Variants in ARHGAP39 observed in about 807,000 individuals in gnomAD.
ARHGAP39 encodes Rho GTPase activating protein 39, also known as rho GTPase-activating protein 39.
In ARHGAP39, 44 loss-of-function variants were observed where a neutral mutation model predicts 106.9. The ratio of observed to expected loss-of-function variants is 0.41; its 90% CI spans 0.32 to 0.53. The LOEUF is 0.53. Among genes scored for constraint, ARHGAP39 ranks in the 20% least tolerant of loss-of-function variants. The pLI is 0.21. For synonymous variants in ARHGAP39, 768 were observed against 693.2 expected (o/e 1.11, Z -1.69); for missense variants, 1,496 against 1,577.3 (o/e 0.95, Z 0.87).
At chr8:144,620,866 G>A (rs1320638759) in intron 1 of ARHGAP39, among the ~76,000 whole-genome samples, 1 of 152,278 alleles carries the variant, frequency 6.6e-6, no homozygotes, top group Admixed American at 6.5e-5. Flanking sequence ...AATCCCTGGG[G>A]CCAAGCTCCT....
intron 1 of ARHGAP39, among the ~76,000 whole-genome samples, chr8:144,659,912 T>C (rs1451504923): frequency 6.6e-6 from 1 of 152,170 alleles, no homozygotes; most frequent in Non-Finnish European, 1.5e-5. Context: ...AATCCCTCTG[T>C]AGCTAAGTCC....
At chr8:144,628,938 G>T (rs910988166) in intron 1 of ARHGAP39, among the ~76,000 whole-genome samples, 1 of 151,850 alleles carries the variant, frequency 6.6e-6, no homozygotes, top group Non-Finnish European at 1.5e-5. Flanking sequence ...CATCACTTTT[G>T]CGCCCGGGAG....
At chr8:144,530,898 G>C in intron 10 of ARHGAP39, 27 bp from the exon 11 acceptor site, 1 of 1,588,110 alleles carries the variant, frequency 6.3e-7, no homozygotes, top group Non-Finnish European at 8.6e-7. Context: ...GGGCTCAGCG[G>C]CCCTGCTCGG....
chr8:144,660,961 G>A (rs1030534295), intron 1 of ARHGAP39, among the ~76,000 whole-genome samples: 4 of 152,044 alleles, frequency 2.6e-5, no homozygotes, highest in African/African-American at 4.8e-5. Context: ...CTCCAGCCTG[G>A]GTGACAGAAT....
At chr8:144,575,748 T>C (rs1345078578) in intron 3 of ARHGAP39, among the ~76,000 whole-genome samples, 1 of 152,186 alleles carries the variant, frequency 6.6e-6, no homozygotes, top group African/African-American at 2.4e-5. Context: ...CATAGTCACG[T>C]ATCATCATCA....
rs1401383829 is a variant in ARHGAP39 at position 144,647,772 on chromosome 8, C to A, written c.-82+37914G>T. 1.3e-5 allele frequency among the ~76,000 whole-genome samples: 2 copies of A among 152,192 alleles called. No individual in the cohort carries two copies. The highest frequency in any genetic ancestry group is 1.5e-5 in the Non-Finnish European group (1 of 68,030). On this transcript the variant is annotated intron_variant, in intron 1 of 11. Coordinates refer to ENST00000377307, the MANE Select transcript of ARHGAP39 (RefSeq NM_025251.3). The surrounding 1 kb of genome is among the most constrained non-coding windows in gnomAD (Gnocchi z 4.8). ...GGAGGGCAGCTGGAAGCCATGCATG[C>A]GTCCACGGGGACCCCAAGAGAGGGA...
At position 144,586,876 on chromosome 8, in the gene ARHGAP39, T is replaced by A. The variant is rs1819201428; in HGVS notation, c.81-5599A>T. On this transcript the variant is annotated intron_variant, in intron 2 of 11. Transcript: ENST00000377307. This position sits in a 1 kb window ranked among gnomAD's most constrained non-coding sequence, Gnocchi z 4.2. ...TCTCATACACCAGGATGGGCAATGA[T>A]ATGGTTTGGCTGTGTCCCCACCCAA... is the stretch of plus-strand genomic sequence containing the variant. Among the ~76,000 whole-genome samples the A allele has an allele frequency of 6.6e-6, 1 of 152,162 alleles. No homozygotes were observed. The highest frequency in any genetic ancestry group is 6.5e-5 in the Admixed American group (1 of 15,280).
Position 144,547,175 on chromosome 8 carries a change from G to C in ARHGAP39, c.1911C>G (p.Ser637=), listed in dbSNP as rs776391796. Residue 637 remains serine (S), a synonymous_variant, in exon 5 of 12, where the codon TCC becomes TCG. Transcript: ENST00000377307. The surrounding 1 kb of genome is among the most constrained non-coding windows in gnomAD (Gnocchi z 5.2). ...FPQILLEKSV[S]VQTNLASPEP... is the part of the protein sequence containing the mutation. ...CTGGTGAGGCCAGGTTGGTCTGCAC[G>C]GAGACGCTCTTCTCCAGCAGGATCT... The C allele has an allele frequency of 1.2e-6, 2 of 1,611,450 alleles. No individual in the cohort carries two copies. The highest frequency in any genetic ancestry group is 1.3e-5 in the African/African-American group (1 of 74,870).
rs367816322 is a variant in ARHGAP39, at chr8:144,623,813, C to G, written c.-81-18118G>C. ...GGCAGGCCTCTGTCAAATGCACCGC[C>G]CAGAATCAGGAATGAGAGAGGCCAC... is the stretch of plus-strand genomic sequence containing the variant. On this transcript the variant is annotated intron_variant, in intron 1 of 11. Transcript: ENST00000377307. 5.3e-5 allele frequency among the ~76,000 whole-genome samples: 8 copies of G among 152,264 alleles called. No individual in the cohort carries two copies. The East Asian group carries it at 1.5e-3, about 29-fold the overall frequency.
At chr8:144,569,417 C>T (rs902445504) in intron 3 of ARHGAP39, among the ~76,000 whole-genome samples, 12 of 152,130 alleles carry the variant, frequency 7.9e-5, no homozygotes, top group Non-Finnish European at 1.2e-4. Context: ...CAACAGAAGG[C>T]GGTACATCCA....
At chr8:144,587,585 G>A (rs930869498) in intron 2 of ARHGAP39, among the ~76,000 whole-genome samples, 6 of 152,166 alleles carry the variant, frequency 3.9e-5, no homozygotes, top group Non-Finnish European at 7.4e-5. Flanking sequence ...GGCCTGGGGA[G>A]GGAGCACACG....
Position 144,530,466 on chromosome 8 carries a change from G to T in ARHGAP39, c.3301C>A (p.Leu1101Ile). 1 of 1,610,840 alleles carries T rather than the reference G, an allele frequency of 6.2e-7. No individual in the cohort carries two copies. Among genetic ancestry groups the T allele is most frequent in the South Asian group, 1.1e-5 (1 of 90,748 alleles). ...TRKEMSFLRVLIQHLDTSFME... is the reference protein window; with the variant it reads ...TRKEMSFLRVIIQHLDTSFME... ...AAGCTGGTGTCCAGGTGCTGGATGA[G>T]CACCCGCAGGAAGGACATCTCCTTG... The change falls in exon 12 of 12, where the codon CTC (leucine) becomes ATC (isoleucine). Residue 1101 changes from leucine (L) to isoleucine (I), a missense_variant. Physicochemically the swap from Leu to Ile is conservative, Grantham distance 5. This residue lies in a region of ARHGAP39 where 470 missense variants were observed against 605.1 expected (regional missense o/e 0.78). Transcript: ENST00000377307.
At chr8:144,619,320 G>A (rs1196819382) in intron 1 of ARHGAP39, among the ~76,000 whole-genome samples, 1 of 152,270 alleles carries the variant, frequency 6.6e-6, no homozygotes, top group Admixed American at 6.5e-5. Flanking sequence ...GAGAAGCGCG[G>A]GTCCCCATCC....
In ARHGAP39 at chr8:144,645,084, G is replaced by A. The variant is rs1821409132; in HGVS notation, c.-81-39389C>T. ...TCCAGGAGGAAGCGAAGAAAACACT[G>A]GGCAGGTCCACAGTTAAACTGCAAC... On this transcript the variant is annotated intron_variant, in intron 1 of 11. Transcript: ENST00000377307. This position sits in a 1 kb window ranked among gnomAD's most constrained non-coding sequence, Gnocchi z 4.4. 6.6e-6 allele frequency among the ~76,000 whole-genome samples: 1 copy of A among 152,196 alleles called. No homozygotes were observed. Among genetic ancestry groups the A allele is most frequent in the Non-Finnish European group, 1.5e-5 (1 of 68,044 alleles).
chr8:144,615,417 C>T (rs1450229463), intron 1 of ARHGAP39, among the ~76,000 whole-genome samples: 1 of 152,102 alleles, frequency 6.6e-6, no homozygotes, highest in Non-Finnish European at 1.5e-5. Flanking sequence ...CTATACTCAG[C>T]TCCCCGAGAC....
intron 3 of ARHGAP39, 32 bp downstream of exon 3, chr8:144,580,814 G>GCCCCGCCCATAGCAGCTGC: frequency 1.8e-6 from 2 of 1,113,282 alleles, no homozygotes; most frequent in South Asian, 3.8e-5. Context: ...CATTCACCTG[G>GCCCCGCCCATAGCAGCTGC]CCCCGCCCAT....
chr8:144,554,881 C>T (rs1283156266), intron 4 of ARHGAP39, among the ~76,000 whole-genome samples: 1 of 152,236 alleles, frequency 6.6e-6, no homozygotes, highest in East Asian at 1.9e-4. Flanking sequence ...ACGCCAGAGC[C>T]CCCTCGGGTC....
Position 144,684,922 on chromosome 8 carries a change from T to TGCACCGCAGC in ARHGAP39, c.-82+754_-82+763dup, listed in dbSNP as rs903623783. ...GCGCCCCGGGGACAAAGCCCGAGGC[T>TGCACCGCAGC]GCACCGCAGCGCACCGCAGCCCTGC... On this transcript the variant is annotated intron_variant, in intron 1 of 11. Coordinates refer to ENST00000377307, the MANE Select transcript of ARHGAP39 (RefSeq NM_025251.3). This position sits in a 1 kb window ranked among gnomAD's most constrained non-coding sequence, Gnocchi z 4.4. Among the ~76,000 whole-genome samples, 20 of 152,166 alleles carry TGCACCGCAGC rather than the reference T, an allele frequency of 1.3e-4. No homozygotes were observed. Among genetic ancestry groups the TGCACCGCAGC allele is most frequent in the Non-Finnish European group, 2.6e-4 (18 of 68,008 alleles).
At chr8:144,600,882 C>T (rs765563226) in intron 2 of ARHGAP39, among the ~76,000 whole-genome samples, 2 of 146,480 alleles carry the variant, frequency 1.4e-5, no homozygotes, top group Non-Finnish European at 3.0e-5. Flanking sequence ...CGTGCGTGCT[C>T]GTGTACCTGT....
Sources: allele counts gnomAD v4.1 joint callset (sites outside exome capture counted in the v4.1 genomes callset), GRCh38; gene constraint gnomAD v4.1.1; regional missense constraint gnomAD v4.1.1; non-coding constraint Gnocchi (gnomAD v3.1); transcripts MANE v1.5; gene names NCBI Gene and HGNC (gene_info 2026-07-23, HGNC 2026-07-21).